Variants in UBR1 observed in about 807,000 individuals in gnomAD.
UBR1 encodes ubiquitin protein ligase E3 component n-recognin 1, also known as E3 ubiquitin-protein ligase UBR1.
Under a neutral mutation model 242.1 loss-of-function variants are expected in UBR1, and 102 were observed. That is an observed-to-expected ratio of 0.42 (90% CI 0.36 to 0.50). The LOEUF (loss-of-function observed/expected upper bound fraction) is 0.50. Ranked by LOEUF, UBR1 falls within the 20% of genes least tolerant of loss-of-function variation. The pLI is 0.01. For synonymous variants in UBR1, 675 were observed against 684.8 expected (o/e 0.99, Z 0.22); for missense variants, 1,772 against 2,101.8 (o/e 0.84, Z 3.07).
chr15:42,961,344 C>T (rs2032016001), intron 42 of UBR1, among the ~76,000 whole-genome samples: 1 of 151,830 alleles, frequency 6.6e-6, no homozygotes, highest in Non-Finnish European at 1.5e-5. Flanking sequence ...AACTCCTGAC[C>T]TCAGGTGATC....
chr15:43,052,943 C>T (rs1390122319), intron 12 of UBR1, among the ~76,000 whole-genome samples: 2 of 152,086 alleles, frequency 1.3e-5, no homozygotes, highest in African/African-American at 2.4e-5. Flanking sequence ...TGACTTGAGG[C>T]AAATATTTAC....
chr15:42,967,200 G>A (rs981622465), intron 40 of UBR1, among the ~76,000 whole-genome samples: 2 of 149,264 alleles, frequency 1.3e-5, no homozygotes, highest in Non-Finnish European at 3.0e-5. Context: ...TTATAGGTCT[G>A]AGTGACCATG....
intron 45 of UBR1, 78 bp downstream of exon 45, chr15:42,952,200 G>A: frequency 1.3e-6 from 2 of 1,559,506 alleles, no homozygotes; most frequent in Non-Finnish European, 1.8e-6. Context: ...TCAACACACT[G>A]TCCCACCATA....
rs944053397 is a variant in UBR1, at chr15:42,970,358, G to T, written c.4457+162C>A. ...AAAAATTAACTCAAGATGGATTAAA[G>T]ATTTAAATGTAAGACCTAAACCATA... On this transcript the variant is annotated intron_variant, in intron 40 of 46. Coordinates refer to ENST00000290650, the MANE Select transcript of UBR1 (RefSeq NM_174916.3). Among the ~76,000 whole-genome samples, 4 of 152,276 alleles carry T rather than the reference G, an allele frequency of 2.6e-5. No individual in the cohort carries two copies. The South Asian group carries it at 8.3e-4, about 32-fold the overall frequency.
At chr15:43,057,636 T>G (rs2033633983) in intron 10 of UBR1, among the ~76,000 whole-genome samples, 1 of 152,206 alleles carries the variant, frequency 6.6e-6, no homozygotes, top group South Asian at 2.1e-4. Context: ...AAAAACTAAG[T>G]AGAACTCTTG....
intron 44 of UBR1, among the ~76,000 whole-genome samples, chr15:42,957,734 G>T (rs1191582371): frequency 6.6e-6 from 1 of 151,962 alleles, no homozygotes; most frequent in Non-Finnish European, 1.5e-5. Context: ...AAATTAGCAG[G>T]GCATGGTGGC....
At chr15:42,995,160 A>G (rs1240744254) in intron 33 of UBR1, among the ~76,000 whole-genome samples, 1 of 152,216 alleles carries the variant, frequency 6.6e-6, no homozygotes, top group Non-Finnish European at 1.5e-5. Context: ...GAGACCTCCA[A>G]TTAAACATTT....
At chr15:43,096,591 T>C (rs2034164804) in intron 1 of UBR1, among the ~76,000 whole-genome samples, 1 of 152,240 alleles carries the variant, frequency 6.6e-6, no homozygotes, top group African/African-American at 2.4e-5. Flanking sequence ...GAGTCAATCC[T>C]TGCCAACTCT....
At position 42,998,277 on chromosome 15, in the gene UBR1, T is replaced by C. The variant is rs767772463; in HGVS notation, c.3660-12A>G. On this transcript the variant is annotated splice_polypyrimidine_tract_variant and intron_variant, in intron 32 of 46. Transcript: ENST00000290650. Reference sequence around the variant, plus strand: ...CATCTGCATTCTCACTGAAAAATGATATTTAAAAATTATTACAACCATGGG... The same window carrying C: ...CATCTGCATTCTCACTGAAAAATGACATTTAAAAATTATTACAACCATGGG... 2 of 1,609,488 alleles carry C rather than the reference T, an allele frequency of 1.2e-6. No homozygotes were observed. The highest frequency in any genetic ancestry group is 1.1e-5 in the South Asian group (1 of 90,986).
intron 11 of UBR1, 26 bp from the exon 12 acceptor site, chr15:43,054,925 C>T: frequency 6.2e-7 from 1 of 1,613,048 alleles, no homozygotes; most frequent in Admixed American, 1.7e-5. Flanking sequence ...AGAATATTTT[C>T]TTTAGCATTA....
Position 43,036,196 on chromosome 15 carries a change from G to C in UBR1, c.2172C>G (p.Thr724=). The change falls in exon 19 of 47, where the codon ACC becomes ACG. Residue 724 remains threonine, a synonymous_variant. Coordinates refer to ENST00000290650, the MANE Select transcript of UBR1 (RefSeq NM_174916.3). ...TGTATACCTGGTCTTTTGTAGATAT[G>C]GTCTTGTTAAAAGCCTCGGCAAGTT... ...RYELAEAFNK[T]ISTKDQDLIK... is the part of the protein sequence containing the mutation. The C allele has an allele frequency of 6.2e-7, 1 of 1,612,966 alleles. No individual in the cohort carries two copies. The highest frequency in any genetic ancestry group is 8.5e-7 in the Non-Finnish European group (1 of 1,179,172).
Position 43,015,798 on chromosome 15 carries a change from G to T in UBR1, c.3099C>A (p.Ile1033=). 6.2e-7 allele frequency: 1 copy of T among 1,614,160 alleles called. No individual in the cohort carries two copies. The highest frequency in any genetic ancestry group is 8.5e-7 in the Non-Finnish European group (1 of 1,180,018). The part of the protein sequence containing the change: ...AEAARLHRQK[I]MAQMSALQKN... ...TCTGTAAGGCAGACATCTGAGCCAT[G>T]ATCTTCTGGCGATGTAGCCTAGCAG... Residue 1033 remains isoleucine, a synonymous_variant, in exon 29 of 47, where the codon ATC becomes ATA. Coordinates refer to ENST00000290650, the MANE Select transcript of UBR1 (RefSeq NM_174916.3).
intron 33 of UBR1, among the ~76,000 whole-genome samples, chr15:42,990,685 T>A (rs1459525174): frequency 6.6e-6 from 1 of 152,208 alleles, no homozygotes; most frequent in South Asian, 2.1e-4. Context: ...ACCTAATAGA[T>A]CATGAACATC....
chr15:42,991,295 T>A (rs1282999921), intron 33 of UBR1, among the ~76,000 whole-genome samples: 1 of 150,100 alleles, frequency 6.7e-6, no homozygotes, highest in East Asian at 2.0e-4. Context: ...AAAGATGAGG[T>A]CTCGCTATGT....
intron 10 of UBR1, among the ~76,000 whole-genome samples, chr15:43,057,582 A>C (rs1277174107): frequency 6.6e-6 from 1 of 152,228 alleles, no homozygotes; most frequent in Non-Finnish European, 1.5e-5. Context: ...TAGATTAATA[A>C]AACATTAAAA....
rs2141244512 is a variant in UBR1, at chr15:42,943,991, A to G, written c.*1338T>C. The stretch of plus-strand genomic sequence containing the variant: ...GTGCATCACTAATCACTTAGCAAAT[A>G]TATTTTACTTGCTTGCCTTTGCTGA... On this transcript the variant is annotated 3_prime_UTR_variant, in exon 47 of 47. Transcript: ENST00000290650. The G allele has an allele frequency of 6.6e-6, 1 of 152,408 alleles. No homozygotes were observed. The highest frequency in any genetic ancestry group is 2.1e-4 in the South Asian group (1 of 4,832). The allele number at this position is 152,408 out of a possible 1,614,324, so 9.4% of individuals were successfully genotyped here. A position where few individuals can be genotyped will look rare whatever the true frequency, so the allele number is the denominator to read the frequency against.
At chr15:43,086,276 C>G (rs1384818090) in intron 1 of UBR1, 36 bp from the exon 2 acceptor site, 1 of 1,611,244 alleles carries the variant, frequency 6.2e-7, no homozygotes, top group East Asian at 2.2e-5. Flanking sequence ...GACTGACTTA[C>G]AAGTTCCTTC....
chr15:43,065,527 G>A (rs547034004), intron 6 of UBR1, among the ~76,000 whole-genome samples: 3 of 152,124 alleles, frequency 2.0e-5, no homozygotes, highest in East Asian at 3.9e-4. Flanking sequence ...ACCCCCGACA[G>A]GCCCCAGAGT....
chr15:43,071,923 A>G (rs1476421513), intron 4 of UBR1, among the ~76,000 whole-genome samples: 1 of 152,236 alleles, frequency 6.6e-6, no homozygotes, highest in East Asian at 1.9e-4. Context: ...GATGTAAAAA[A>G]TAATGTAAAA....
Sources: gnomAD v4.1 joint callset for allele counts (sites outside exome capture counted in the v4.1 genomes callset) on GRCh38, gnomAD v4.1.1 for gene constraint, MANE v1.5 for transcripts, NCBI Gene and HGNC (gene_info 2026-07-23, HGNC 2026-07-21) for gene names.